Variants in RTTN observed in about 807,000 individuals in gnomAD.
RTTN encodes rotatin.
A neutral mutation model predicts 269.2 loss-of-function variants in RTTN; 182 were observed. That is an observed-to-expected ratio of 0.68 (90% CI 0.60 to 0.76). The LOEUF is 0.76. Among genes scored for constraint, RTTN ranks in the 30% least tolerant of loss-of-function variants. The pLI, the probability that RTTN is intolerant of heterozygous loss-of-function variation, is 0.00. For missense variants in RTTN, 2,545 were observed against 2,608.6 expected (o/e 0.98, Z 0.53); for synonymous variants, 1,006 against 963.5 (o/e 1.04, Z -0.82).
intron 35 of RTTN, among the ~76,000 whole-genome samples, chr18:70,065,270 T>TAAA (rs61422284): frequency 0.3 from 39,609 of 132,768 alleles, 6,699 homozygotes; most frequent in Admixed American, 0.43. Flanking sequence ...CTCTAGAATT[T>TAAA]AAAAAAAAAA....
In RTTN at chr18:70,060,050, T is replaced by C; in HGVS notation, c.4748-8A>G. 1 of 1,597,214 alleles carries C rather than the reference T, an allele frequency of 6.3e-7. No homozygotes were observed. The highest frequency in any genetic ancestry group is 8.5e-7 in the Non-Finnish European group (1 of 1,171,218). The stretch of plus-strand genomic sequence containing the variant: ...ATGTACTTTCCTGGTGACCTATTAT[T>C]GAAAATAAACATAAGAATTATTATT... On this transcript the variant is annotated splice_region_variant and splice_polypyrimidine_tract_variant and intron_variant, in intron 35 of 48. Transcript: ENST00000640769.
At chr18:70,119,491 A>G (rs1424023526) in intron 26 of RTTN, among the ~76,000 whole-genome samples, 1 of 151,970 alleles carries the variant, frequency 6.6e-6, no homozygotes, top group Non-Finnish European at 1.5e-5. Flanking sequence ...GGGAGAAGGG[A>G]AGGGAGGAAA....
intron 36 of RTTN, 74 bp downstream of exon 36, chr18:70,059,776 G>C (rs554243671): frequency 4.0e-6 from 4 of 990,806 alleles, no homozygotes; most frequent in Admixed American, 5.0e-5. Context: ...AAGAAATCTT[G>C]TATCAAGTCA....
intron 10 of RTTN, among the ~76,000 whole-genome samples, chr18:70,177,331 T>G (rs1451277178): frequency 6.6e-6 from 1 of 152,190 alleles, no homozygotes; most frequent in African/African-American, 2.4e-5. Flanking sequence ...AAGAAATGCA[T>G]CAAGGAAAGT....
intron 37 of RTTN, 147 bp downstream of exon 37, chr18:70,057,595 T>C: frequency 1.7e-6 from 1 of 595,040 alleles, no homozygotes; most frequent in Non-Finnish European, 2.9e-6. Flanking sequence ...TATTAAAATT[T>C]CAAGTAACGT....
chr18:70,077,649 T>C (rs2058461781), intron 32 of RTTN, among the ~76,000 whole-genome samples: 1 of 151,946 alleles, frequency 6.6e-6, no homozygotes, highest in Non-Finnish European at 1.5e-5. Context: ...TTCCCTTCAA[T>C]AAATTAAAAA....
At chr18:70,120,036 G>T (rs1035167672) in intron 26 of RTTN, among the ~76,000 whole-genome samples, 1 of 152,060 alleles carries the variant, frequency 6.6e-6, no homozygotes, top group Non-Finnish European at 1.5e-5. Flanking sequence ...TGAGAGGTGG[G>T]GCCTTTGGAG....
At chr18:70,041,893 A>C (rs2057351662) in intron 40 of RTTN, among the ~76,000 whole-genome samples, 1 of 152,070 alleles carries the variant, frequency 6.6e-6, no homozygotes, top group South Asian at 2.1e-4. Context: ...TTCTCCAGGG[A>C]ATCTGATAAG....
Position 70,109,663 on chromosome 18 carries a change from G to C in RTTN, c.3738C>G (p.Leu1246=), listed in dbSNP as rs1378930790. 3 of 1,614,084 alleles carry C rather than the reference G, an allele frequency of 1.9e-6. No individual in the cohort carries two copies. Among genetic ancestry groups the C allele is most frequent in the Non-Finnish European group, 2.5e-6 (3 of 1,180,022 alleles). The part of the protein sequence containing the change: ...VFQTQLALKL[L]QCLKVTDAPH... ...GCGCATCCGTCACTTTCAGACACTG[G>C]AGCAGTTTCAGAGCCAGCTGCGTTT... Residue 1246 remains leucine (L), a synonymous_variant, in exon 28 of 49, where the codon CTC becomes CTG. Transcript: ENST00000640769.
chr18:70,204,407 G>A (rs1297384113), intron 2 of RTTN, 144 bp from the exon 3 acceptor site: 2 of 693,260 alleles, frequency 2.9e-6, no homozygotes, highest in Non-Finnish European at 4.7e-6. Context: ...CCGAAGTAAG[G>A]CACTTCCATG....
chr18:70,144,434 A>C (rs972897757), intron 18 of RTTN, among the ~76,000 whole-genome samples: 1 of 152,168 alleles, frequency 6.6e-6, no homozygotes, highest in African/African-American at 2.4e-5. Flanking sequence ...GCTACCCCCC[A>C]GACAAGTCCC....
chr18:70,201,509 G>A (rs1455528698), intron 4 of RTTN, among the ~76,000 whole-genome samples: 1 of 148,754 alleles, frequency 6.7e-6, no homozygotes, highest in Non-Finnish European at 1.5e-5. Context: ...TTGGGAGGCT[G>A]AGGCAGGAGA....
chr18:70,144,556 C>G (rs1456795693), intron 18 of RTTN, among the ~76,000 whole-genome samples: 2 of 152,186 alleles, frequency 1.3e-5, no homozygotes, highest in East Asian at 1.9e-4. Context: ...CTGCTATCTT[C>G]CAGTCCTAAC....
chr18:70,011,121 G>A (rs770178288), intron 46 of RTTN, among the ~76,000 whole-genome samples: 2 of 152,038 alleles, frequency 1.3e-5, no homozygotes, highest in African/African-American at 4.8e-5. Flanking sequence ...AAAAAAGCCC[G>A]GGACCAGATG....
At chr18:70,109,993 AG>A (rs1371295278) in intron 27 of RTTN, among the ~76,000 whole-genome samples, 2 of 152,124 alleles carry the variant, frequency 1.3e-5, no homozygotes, top group African/African-American at 4.8e-5. Flanking sequence ...CTGAGGTGGG[AG>A]GATTGCTTGC....
chr18:70,049,444 C>T (rs2057591189), intron 39 of RTTN, among the ~76,000 whole-genome samples: 1 of 152,084 alleles, frequency 6.6e-6, no homozygotes, highest in East Asian at 1.9e-4. Context: ...CACTGTACTC[C>T]ATGGTAGACT....
In RTTN at chr18:70,176,857, T is replaced by C. The variant is rs769745382; in HGVS notation, c.1306-12A>G. On this transcript the variant is annotated splice_polypyrimidine_tract_variant and intron_variant, in intron 10 of 48. Transcript: ENST00000640769. Reference sequence around the variant, plus strand: ...AGTAGTTTCTCCTTCTGAAAACATTTACACAACATGAAACAGAAGAAAACA... The same window carrying C: ...AGTAGTTTCTCCTTCTGAAAACATTCACACAACATGAAACAGAAGAAAACA... 1 of 1,611,010 alleles carries C rather than the reference T, an allele frequency of 6.2e-7. No homozygotes were observed. The highest frequency in any genetic ancestry group is 1.1e-5 in the South Asian group (1 of 90,512).
intron 34 of RTTN, 119 bp downstream of exon 34, chr18:70,073,787 A>C: frequency 3.0e-6 from 2 of 664,178 alleles, no homozygotes; most frequent in South Asian, 3.7e-5. Context: ...TGCAGAAAGC[A>C]CTTCGAATAA....
At chr18:70,114,746 C>A (rs2059561320) in intron 26 of RTTN, 147 bp from the exon 27 acceptor site, 3 of 460,824 alleles carry the variant, frequency 6.5e-6, no homozygotes, top group Admixed American at 4.0e-5. Context: ...TAGAGATGTT[C>A]TAAATTCAAA....
Sources: allele counts gnomAD v4.1 joint callset (sites outside exome capture counted in the v4.1 genomes callset), GRCh38; gene constraint gnomAD v4.1.1; transcripts MANE v1.5; gene names NCBI Gene and HGNC (gene_info 2026-07-23, HGNC 2026-07-21).